EPB41L5: variants seen among roughly 807,000 people sequenced by gnomAD.
EPB41L5 encodes the protein band 4.1-like protein 5.
In EPB41L5, 55 loss-of-function variants were observed where a neutral mutation model predicts 106.6. The observed-to-expected ratio is 0.52, with a 90% CI of 0.42 to 0.65. The LOEUF is 0.65. Among genes scored for constraint, EPB41L5 ranks in the 30% least tolerant of loss-of-function variants. The pLI is 0.00. For missense variants in EPB41L5, 871 were observed against 882.1 expected, an observed-to-expected ratio of 0.99 and a Z score of 0.16; for synonymous variants, 297 against 306.7, an observed-to-expected ratio of 0.97 and a Z score of 0.33.
rs1322019810 is a variant in EPB41L5 at position 120,178,997 on chromosome 2, TATTC to T, written c.*4094_*4097del. 1.3e-5 allele frequency: 2 copies of T among 152,274 alleles called. No individual in the cohort carries two copies. Among genetic ancestry groups the T allele is most frequent in the Non-Finnish European group, 2.9e-5 (2 of 68,040 alleles). 9.4% of individuals were successfully genotyped at this position (152,274 alleles called of 1,614,324 possible). A position where few individuals can be genotyped will look rare whatever the true frequency, so the allele number is the denominator to read the frequency against. On this transcript the variant is annotated 3_prime_UTR_variant, in exon 25 of 25. Transcript: ENST00000263713. ...TAATTTATTTTTCTATCAAGTGCAC[TATTC>T]ATTTAGTGTGTTCCAGTTTTATATG...
intron 2 of EPB41L5, among the ~76,000 whole-genome samples, chr2:120,021,529 T>C (rs988778906): frequency 6.6e-6 from 1 of 151,796 alleles, no homozygotes. Context: ...TAATCCCAGC[T>C]ACTTGGGAGG....
rs73952028 is a variant in EPB41L5, at chr2:120,094,908, C to G, written c.1178+1632C>G. 5.3e-3 allele frequency among the ~76,000 whole-genome samples: 801 copies of G among 152,170 alleles called. 4 individuals carry two copies. The highest frequency in any genetic ancestry group is 0.019 in the African/African-American group (771 of 41,532). On this transcript the variant is annotated intron_variant, in intron 14 of 24. Coordinates refer to ENST00000263713, the MANE Select transcript of EPB41L5 (RefSeq NM_020909.4). ...TATTCCATAATGGGTAGAGGACATACTTTGTATGATTTCAATCCCTTTAAA... is the reference window on the plus strand; with the variant it reads ...TATTCCATAATGGGTAGAGGACATAGTTTGTATGATTTCAATCCCTTTAAA...
At chr2:120,161,018 T>C in intron 21 of EPB41L5, 44 bp downstream of exon 21, 1 of 1,382,538 alleles carries the variant, frequency 7.2e-7, no homozygotes. Context: ...AAAGACAGTT[T>C]TGAATTGAAT....
At chr2:120,087,645 G>A (rs1282257228) in intron 11 of EPB41L5, among the ~76,000 whole-genome samples, 1 of 152,044 alleles carries the variant, frequency 6.6e-6, no homozygotes, top group Non-Finnish European at 1.5e-5. Context: ...CCACCACCAC[G>A]CCTGGCTGAT....
intron 18 of EPB41L5, among the ~76,000 whole-genome samples, chr2:120,139,383 A>G (rs1686076283): frequency 6.6e-6 from 1 of 152,124 alleles, no homozygotes; most frequent in Admixed American, 6.6e-5. Flanking sequence ...AACAAAGTGA[A>G]GAGATGACCC....
chr2:120,105,366 A>T (rs577972370), intron 16 of EPB41L5: 80 of 977,020 alleles, frequency 8.2e-5, no homozygotes, highest in Non-Finnish European at 9.5e-5. Context: ...ATGCTTCAAG[A>T]TAATGAAGCT....
intron 10 of EPB41L5, 115 bp from the exon 11 acceptor site, chr2:120,087,056 T>C: frequency 1.7e-6 from 1 of 602,756 alleles, no homozygotes; most frequent in Non-Finnish European, 2.9e-6. Flanking sequence ...TACCGTCCTG[T>C]CAATTTTTAG....
In EPB41L5 at chr2:120,068,069, A is replaced by C. The variant is rs534600516; in HGVS notation, c.286-5109A>C. 2.0e-5 allele frequency among the ~76,000 whole-genome samples: 3 copies of C among 152,258 alleles called. No individual in the cohort carries two copies. The East Asian group carries it at 5.8e-4, about 29-fold the overall frequency. ...AAGGCGGGTGATTTCTGCATTTCCA[A>C]CTGAGGTACCCAGCTCATCTCATTG... On this transcript the variant is annotated intron_variant, in intron 3 of 24. Transcript: ENST00000263713.
intron 2 of EPB41L5, among the ~76,000 whole-genome samples, chr2:120,041,341 T>C (rs1281344661): frequency 4.6e-5 from 7 of 152,172 alleles, no homozygotes. Flanking sequence ...ATGAATCTTT[T>C]GAAAGGGTCT....
chr2:120,031,664 A>G (rs1678717444), intron 2 of EPB41L5, among the ~76,000 whole-genome samples: 1 of 152,230 alleles, frequency 6.6e-6, no homozygotes. Flanking sequence ...ACACACTCTG[A>G]CCATCCTGGA....
chr2:120,146,404 T>G, intron 20 of EPB41L5, 115 bp downstream of exon 20: 1 of 715,238 alleles, frequency 1.4e-6, no homozygotes, highest in Non-Finnish European at 2.4e-6. Flanking sequence ...ATAGCTTGAA[T>G]TCACTCTATT....
rs73952006 is a variant in EPB41L5 at position 120,062,760 on chromosome 2, C to T, written c.286-10418C>T. Among the ~76,000 whole-genome samples the T allele has an allele frequency of 7.7e-3, 1,164 of 152,068 alleles. 12 individuals carry two copies. The highest frequency in any genetic ancestry group is 0.027 in the African/African-American group (1,105 of 41,482). On this transcript the variant is annotated intron_variant, in intron 3 of 24. Coordinates refer to ENST00000263713, the MANE Select transcript of EPB41L5 (RefSeq NM_020909.4). ...TGAGGCAATAGTTTTTTAATTTGATCCTCAGAAAAATCTCCTGTGAAGAAT... is the reference window on the plus strand; with the variant it reads ...TGAGGCAATAGTTTTTTAATTTGATTCTCAGAAAAATCTCCTGTGAAGAAT...
chr2:120,158,615 A>G (rs955728605), intron 20 of EPB41L5, among the ~76,000 whole-genome samples: 1 of 152,198 alleles, frequency 6.6e-6, no homozygotes, highest in Non-Finnish European at 1.5e-5. Flanking sequence ...ATCTCTGACA[A>G]ACCCACAGCC....
intron 1 of EPB41L5, among the ~76,000 whole-genome samples, chr2:120,016,213 TG>T (rs1291843658): frequency 5.9e-5 from 9 of 152,126 alleles, no homozygotes; most frequent in Non-Finnish European, 4.4e-5. Flanking sequence ...GCGGATCACC[TG>T]AGGTCAGAAG....
intron 16 of EPB41L5, chr2:120,104,733 CTTAAT>C (rs746881004): frequency 6.8e-5 from 63 of 930,120 alleles, no homozygotes; most frequent in East Asian, 3.5e-4. Context: ...TGACACATAC[CTTAAT>C]TTAAGTGCCT....
chr2:120,046,461 A>C (rs1356840073), intron 3 of EPB41L5, among the ~76,000 whole-genome samples: 1 of 149,694 alleles, frequency 6.7e-6, no homozygotes, highest in African/African-American at 2.4e-5. Context: ...TGTTCTTTTG[A>C]GAAGTGTCTG....
intron 3 of EPB41L5, among the ~76,000 whole-genome samples, chr2:120,046,961 A>C (rs1338140327): frequency 3.3e-5 from 5 of 152,158 alleles, no homozygotes; most frequent in African/African-American, 1.2e-4. Flanking sequence ...GTCAAAGATC[A>C]GATGGTTGTA....
At chr2:120,023,442 C>T (rs1019283952) in intron 2 of EPB41L5, among the ~76,000 whole-genome samples, 4 of 152,110 alleles carry the variant, frequency 2.6e-5, no homozygotes, top group East Asian at 3.8e-4. Flanking sequence ...AATAGGGAAT[C>T]GTTTCCCCAT....
At chr2:120,034,729 A>G (rs921880413) in intron 2 of EPB41L5, among the ~76,000 whole-genome samples, 3 of 152,016 alleles carry the variant, frequency 2.0e-5, no homozygotes, top group Admixed American at 1.3e-4. Flanking sequence ...GCCAGGCATC[A>G]TGGTGCACAC....
Sources: allele counts gnomAD v4.1 joint callset (sites outside exome capture counted in the v4.1 genomes callset), GRCh38; gene constraint gnomAD v4.1.1; transcripts MANE v1.5; gene names NCBI Gene and HGNC (gene_info 2026-07-23, HGNC 2026-07-21).